HSPA12A: variants seen among roughly 807,000 people sequenced by gnomAD.
HSPA12A encodes heat shock 70 kDa protein 12A.
HSPA12A carries 28 observed loss-of-function variants against 69.2 expected under a neutral mutation model. The ratio of observed to expected loss-of-function variants is 0.40; its 90% confidence interval spans 0.30 to 0.55. The LOEUF is 0.55. Ranked by LOEUF, HSPA12A falls within the 20% of genes least tolerant of loss-of-function variation. The pLI is 0.38. For missense variants in HSPA12A, 686 were observed against 900.7 expected (o/e 0.76, Z 3.05); for synonymous variants, 345 against 370.5 (o/e 0.93, Z 0.79).
chr10:116,793,710 C>T (rs1844752113), intron 2 of HSPA12A, among the ~76,000 whole-genome samples: 1 of 151,876 alleles, frequency 6.6e-6, no homozygotes. Context: ...AAAAGCGTTA[C>T]ATTCATATCA....
chr10:116,729,305 C>T (rs1851080781), intron 1 of HSPA12A, among the ~76,000 whole-genome samples: 1 of 152,200 alleles, frequency 6.6e-6, no homozygotes, highest in African/African-American at 2.4e-5. Flanking sequence ...AAGTCCCTCC[C>T]TTTGGGGCAC....
intron 2 of HSPA12A, among the ~76,000 whole-genome samples, chr10:116,825,936 C>T (rs531120516): frequency 3.8e-4 from 58 of 152,250 alleles, no homozygotes; most frequent in African/African-American, 1.4e-3. Context: ...GGCTGTGAAA[C>T]CACATCCTAG....
intron 2 of HSPA12A, among the ~76,000 whole-genome samples, chr10:116,817,529 G>A (rs1341490526): frequency 1.3e-5 from 2 of 151,422 alleles, no homozygotes; most frequent in African/African-American, 4.9e-5. Flanking sequence ...GTGTGGGTGG[G>A]GGTGGGGGGG....
At chr10:116,846,219 A>G (rs1293235298) in intron 1 of HSPA12A, among the ~76,000 whole-genome samples, 1 of 152,224 alleles carries the variant, frequency 6.6e-6, no homozygotes, top group East Asian at 1.9e-4. Flanking sequence ...TGAGAAAATT[A>G]AATGAGTCTA....
chr10:116,806,458 C>T (rs1401028197), intron 2 of HSPA12A, among the ~76,000 whole-genome samples: 2 of 152,144 alleles, frequency 1.3e-5, no homozygotes, highest in South Asian at 2.1e-4. Flanking sequence ...CTACCCACCT[C>T]GGCCTCCCAA....
chr10:116,848,931 C>G (rs1293345914), intron 1 of HSPA12A, among the ~76,000 whole-genome samples: 1 of 152,202 alleles, frequency 6.6e-6, no homozygotes, highest in Non-Finnish European at 1.5e-5. Context: ...CCGTTTCTCT[C>G]CTGGACATCA....
At chr10:116,835,008 G>A (rs574027847) in exon 2 of HSPA12A, 9 of 1,230,914 alleles carry the variant, frequency 7.3e-6, no homozygotes, top group South Asian at 4.1e-5. Context: ...ATCCGTACAC[G>A]CCAACACTCT....
At chr10:116,753,140 G>A (rs1843748231) in intron 2 of HSPA12A, among the ~76,000 whole-genome samples, 1 of 152,350 alleles carries the variant, frequency 6.6e-6, no homozygotes, top group South Asian at 2.1e-4. Context: ...GGACAAAGAT[G>A]CCCTGTTGTT....
At chr10:116,800,941 C>G (rs975551673) in intron 2 of HSPA12A, among the ~76,000 whole-genome samples, 1 of 152,208 alleles carries the variant, frequency 6.6e-6, no homozygotes, top group Admixed American at 6.5e-5. Flanking sequence ...AGCAGAAGGG[C>G]TTCGAAAATC....
intron 7 of HSPA12A, 82 bp downstream of exon 7, chr10:116,683,709 C>A (rs563679259): frequency 7.4e-7 from 1 of 1,346,162 alleles, no homozygotes; most frequent in East Asian, 2.4e-5. Flanking sequence ...CACTAAGTGC[C>A]TTTAAAATCA....
chr10:116,728,826 T>G (rs2133042920), intron 1 of HSPA12A, among the ~76,000 whole-genome samples: 1 of 152,348 alleles, frequency 6.6e-6, no homozygotes, highest in African/African-American at 2.4e-5. Flanking sequence ...CAAGCCTGCA[T>G]GAGTAAGACT....
intron 5 of HSPA12A, among the ~76,000 whole-genome samples, chr10:116,693,716 T>C (rs1224605999): frequency 6.6e-6 from 1 of 152,234 alleles, no homozygotes; most frequent in African/African-American, 2.4e-5. Context: ...CCACCCTCTC[T>C]CTCTCTGAAC....
In HSPA12A at chr10:116,716,651, C is replaced by T. The variant is rs1227515660; in HGVS notation, c.41-9366G>A. Among the ~76,000 whole-genome samples the T allele has an allele frequency of 2.6e-5, 4 of 152,236 alleles. No homozygotes were observed. The East Asian group carries it at 7.7e-4, about 29-fold the overall frequency. On this transcript the variant is annotated intron_variant, in intron 1 of 11. Transcript: ENST00000369209. ...GACGGCTTTGGAATAGGAGCAAAGCCAGAGTTGGCTCTTCGGCTGCTGCTC... is the reference window on the plus strand; with the variant it reads ...GACGGCTTTGGAATAGGAGCAAAGCTAGAGTTGGCTCTTCGGCTGCTGCTC...
At chr10:116,843,303 C>T (rs192064357) in intron 1 of HSPA12A, among the ~76,000 whole-genome samples, 52 of 152,292 alleles carry the variant, frequency 3.4e-4, no homozygotes, top group East Asian at 1.3e-3. Flanking sequence ...TTTTTAAAGG[C>T]TCCCTTTTAA....
At chr10:116,691,243 G>A (rs1399811772) in intron 6 of HSPA12A, among the ~76,000 whole-genome samples, 3 of 152,126 alleles carry the variant, frequency 2.0e-5, no homozygotes, top group African/African-American at 7.2e-5. Flanking sequence ...GGGAGGAGAC[G>A]ACTCGCCCTT....
intron 2 of HSPA12A, among the ~76,000 whole-genome samples, chr10:116,780,782 T>C (rs1554891726): frequency 6.6e-6 from 1 of 152,230 alleles, no homozygotes; most frequent in African/African-American, 2.4e-5. Context: ...TTTCAAAATA[T>C]CTACAAGCAA....
At chr10:116,719,195 G>A (rs1076268) in intron 1 of HSPA12A, among the ~76,000 whole-genome samples, 128,137 of 152,178 alleles carry the variant, frequency 0.84, 55,433 homozygotes, top group Middle Eastern at 0.95. Flanking sequence ...ATCTAAGCCA[G>A]TCATGGCAAG....
At chr10:116,755,799 C>T in intron 2 of HSPA12A, among the ~76,000 whole-genome samples, 1 of 80,984 alleles carries the variant, frequency 1.2e-5, no homozygotes, top group African/African-American at 4.4e-5. Flanking sequence ...AAAACCCCAT[C>T]TCTACCAAAA....
rs1370467727 is a variant in HSPA12A, at chr10:116,723,423, CG to C, written c.41-16139del. Among the ~76,000 whole-genome samples the C allele has an allele frequency of 2.0e-5, 3 of 152,122 alleles. No individual in the cohort carries two copies. The highest frequency in any genetic ancestry group is 2.9e-5 in the Non-Finnish European group (2 of 68,014). On this transcript the variant is annotated intron_variant, in intron 1 of 11. Transcript: ENST00000369209. This position sits in a 1 kb window ranked among gnomAD's most constrained non-coding sequence, Gnocchi z 4.1. The stretch of plus-strand genomic sequence containing the variant: ...AAGCTGTTCTTCCAGGGGCAGGGGA[CG>C]GGGCTGAGGACCCCGAATGAGCTGG...
Sources: gnomAD v4.1 joint callset for allele counts (sites outside exome capture counted in the v4.1 genomes callset) on GRCh38, gnomAD v4.1.1 for gene constraint, Gnocchi (gnomAD v3.1) non-coding constraint, MANE v1.5 for transcripts, NCBI Gene and HGNC (gene_info 2026-07-23, HGNC 2026-07-21) for gene names.